DGKH: variants seen among roughly 807,000 people sequenced by gnomAD.
The protein encoded by DGKH is DAG kinase eta.
In DGKH, 90 loss-of-function variants were observed where a neutral mutation model predicts 159.3. That is an observed-to-expected ratio of 0.57 (90% CI 0.48 to 0.67). The LOEUF is 0.67. Among genes scored for constraint, DGKH ranks in the 30% least tolerant of loss-of-function variants. DGKH has a pLI of 0.00. For missense variants in DGKH, 1,181 were observed against 1,506.1 expected, an observed-to-expected ratio of 0.78 and a Z score of 3.57; for synonymous variants, 536 against 553.8, an observed-to-expected ratio of 0.97 and a Z score of 0.45.
intron 1 of DGKH, among the ~76,000 whole-genome samples, chr13:42,120,307 G>C (rs987868662): frequency 1.3e-5 from 2 of 151,960 alleles, no homozygotes; most frequent in Non-Finnish European, 2.9e-5. Context: ...TTTTTCTTAG[G>C]GTAAGCTTTT....
At chr13:42,059,934 C>G (rs1392321390) in intron 1 of DGKH, among the ~76,000 whole-genome samples, 1 of 141,446 alleles carries the variant, frequency 7.1e-6, no homozygotes, top group African/African-American at 2.6e-5. Context: ...TATATAGAGT[C>G]TCACTCTGTC....
At chr13:42,085,025 A>C (rs1052361354) in intron 1 of DGKH, among the ~76,000 whole-genome samples, 5 of 152,092 alleles carry the variant, frequency 3.3e-5, no homozygotes, top group Admixed American at 2.6e-4. Context: ...ACTTTTAAAC[A>C]TGAAGCAGTT....
At chr13:42,248,431 A>T (rs944051367) in intron 29 of DGKH, among the ~76,000 whole-genome samples, 9 of 148,048 alleles carry the variant, frequency 6.1e-5, no homozygotes, top group South Asian at 4.2e-4. Flanking sequence ...GTCTCAAAAA[A>T]ATATATATAT....
Position 42,229,486 on chromosome 13 carries a change from G to A in DGKH, c.*298G>A, listed in dbSNP as rs1958234140. 3.9e-6 allele frequency: 1 copy of A among 256,488 alleles called. No homozygotes were observed. The highest frequency in any genetic ancestry group is 1.1e-4 in the East Asian group (1 of 8,756). 15.9% of individuals were successfully genotyped at this position (256,488 alleles called of 1,614,324 possible). A position where few individuals can be genotyped will look rare whatever the true frequency, so the allele number is the denominator to read the frequency against. ...AGACGATTGCATTGTCTAAACAGTG[G>A]AATTGCAAAATGTTTACTTTCCATA... is the stretch of plus-strand genomic sequence containing the variant. On this transcript the variant is annotated 3_prime_UTR_variant, in exon 30 of 30. Coordinates refer to ENST00000337343, the MANE Select transcript of DGKH (RefSeq NM_178009.5).
intron 29 of DGKH, among the ~76,000 whole-genome samples, chr13:42,248,882 A>T (rs1958600636): frequency 6.6e-6 from 1 of 152,008 alleles, no homozygotes; most frequent in Admixed American, 6.6e-5. Flanking sequence ...GTACAATGTG[A>T]TGTTCACACA....
intron 9 of DGKH, among the ~76,000 whole-genome samples, chr13:42,168,088 G>A (rs1342205841): frequency 6.6e-6 from 1 of 152,112 alleles, no homozygotes; most frequent in Non-Finnish European, 1.5e-5. Flanking sequence ...CCCATGGTTT[G>A]TAATTCTTAA....
At chr13:42,093,169 G>A (rs537775402) in intron 1 of DGKH, among the ~76,000 whole-genome samples, 3 of 151,750 alleles carry the variant, frequency 2.0e-5, no homozygotes, top group Non-Finnish European at 2.9e-5. Flanking sequence ...ACCTGAGCCC[G>A]GAAGATGGAG....
At chr13:42,041,237 G>A (rs1435591421) in intron 1 of DGKH, among the ~76,000 whole-genome samples, 2 of 152,232 alleles carry the variant, frequency 1.3e-5, no homozygotes, top group Non-Finnish European at 2.9e-5. Flanking sequence ...GTGGAATGTA[G>A]GCGGGGGAGA....
At chr13:42,131,679 C>T (rs2038883) in intron 3 of DGKH, among the ~76,000 whole-genome samples, 35,245 of 152,058 alleles carry the variant, frequency 0.23, 4,369 homozygotes, top group Middle Eastern at 0.31. Flanking sequence ...TGTTGTTACT[C>T]GCTGTGCTTA....
intron 3 of DGKH, among the ~76,000 whole-genome samples, chr13:42,130,624 G>T (rs899286418): frequency 6.6e-6 from 1 of 152,154 alleles, no homozygotes; most frequent in Non-Finnish European, 1.5e-5. Flanking sequence ...ACAGCAGTGT[G>T]CAGTGTCCAT....
In DGKH at chr13:42,198,558, G is replaced by T. The variant is rs765334560; in HGVS notation, c.2248G>T (p.Gly750Cys). 2.5e-6 allele frequency: 4 copies of T among 1,613,228 alleles called. No individual in the cohort carries two copies. The highest frequency in any genetic ancestry group is 3.4e-6 in the Non-Finnish European group (4 of 1,179,724). The part of the protein sequence containing the change: ...KMLLANIDPF[G>C]ATPFIDPDLD... ...GTTACTGGCAAACATTGATCCTTTTGGTGCCACGCCGTTTATTGACCCGGA... is the reference window on the plus strand; with the variant it reads ...GTTACTGGCAAACATTGATCCTTTTTGTGCCACGCCGTTTATTGACCCGGA... Residue 750 changes from glycine (G) to cysteine (C), a missense_variant, in exon 18 of 30, where the codon GGT becomes TGT. Transcript: ENST00000337343.
At chr13:42,102,314 G>T (rs1240086736) in intron 1 of DGKH, among the ~76,000 whole-genome samples, 3 of 152,266 alleles carry the variant, frequency 2.0e-5, no homozygotes, top group Admixed American at 6.5e-5. Flanking sequence ...TGCACTGGGA[G>T]CCAGCTGTGC....
chr13:42,225,589 A>T (rs1378747350), intron 29 of DGKH, among the ~76,000 whole-genome samples: 2 of 152,110 alleles, frequency 1.3e-5, no homozygotes, highest in Non-Finnish European at 2.9e-5. Flanking sequence ...CCTGACCAAC[A>T]TGGTGAAACC....
intron 3 of DGKH, among the ~76,000 whole-genome samples, chr13:42,143,054 A>G (rs1360610610): frequency 1.3e-5 from 2 of 152,172 alleles, no homozygotes; most frequent in Non-Finnish European, 2.9e-5. Context: ...AGCTCTTATT[A>G]CTTTGAGATA....
chr13:42,195,075 A>G lies in DGKH; in HGVS notation c.2167+59A>G, dbSNP rs570154604. The G allele has an allele frequency of 1.9e-6, 3 of 1,566,230 alleles. No individual in the cohort carries two copies. The African/African-American group carries it at 4.1e-5, about 21-fold the overall frequency. ...AGTATTTCTGTGAAAAGGTGTAAGT[A>G]TTTATTTCTATTACTGTGGAAACAT... On this transcript the variant is annotated intron_variant, in intron 17 of 29. Coordinates refer to ENST00000337343, the MANE Select transcript of DGKH (RefSeq NM_178009.5).
Position 42,230,794 on chromosome 13 carries a change from A to G in DGKH, c.*1606A>G, listed in dbSNP as rs1234092816. 1 of 152,108 alleles carries G rather than the reference A, an allele frequency of 6.6e-6. No homozygotes were observed. The highest frequency in any genetic ancestry group is 1.5e-5 in the Non-Finnish European group (1 of 68,020). 9.4% of individuals were successfully genotyped at this position (152,108 alleles called of 1,614,324 possible). A position where few individuals can be genotyped will look rare whatever the true frequency, so the allele number is the denominator to read the frequency against. On this transcript the variant is annotated 3_prime_UTR_variant, in exon 30 of 30. Coordinates refer to ENST00000337343, the MANE Select transcript of DGKH (RefSeq NM_178009.5). Reference sequence around the variant, plus strand: ...ATATTTTCTAGACAATTATTTCCCCAGTGTTTAAAGAGAAATACTAATAGG... The same window carrying G: ...ATATTTTCTAGACAATTATTTCCCCGGTGTTTAAAGAGAAATACTAATAGG...
chr13:42,207,693 G>GTATATATATATATATATATATATATA (rs368253963), intron 21 of DGKH, among the ~76,000 whole-genome samples: 3 of 126,532 alleles, frequency 2.4e-5, no homozygotes, highest in Non-Finnish European at 3.3e-5. Context: ...TTATTAAAGT[G>GTATATATATATATATATATATATATA]TGTATATATA....
chr13:42,187,479 C>T (rs376696349), intron 14 of DGKH, among the ~76,000 whole-genome samples: 1 of 152,016 alleles, frequency 6.6e-6, no homozygotes, highest in Non-Finnish European at 1.5e-5. Flanking sequence ...CAGGTTCAAG[C>T]GATTCTCCTG....
At chr13:42,144,867 AC>A (rs1367312418) in intron 3 of DGKH, among the ~76,000 whole-genome samples, 5 of 152,140 alleles carry the variant, frequency 3.3e-5, no homozygotes, top group Non-Finnish European at 5.9e-5. Flanking sequence ...GTAAAAGCCC[AC>A]CCTTTTAAAT....
Sources: gnomAD v4.1 joint callset for allele counts (sites outside exome capture counted in the v4.1 genomes callset) on GRCh38, gnomAD v4.1.1 for gene constraint, MANE v1.5 for transcripts, NCBI Gene and HGNC (gene_info 2026-07-23, HGNC 2026-07-21) for gene names.